Variants in CNTN5 observed in about 807,000 individuals in gnomAD.
CNTN5 encodes the protein contactin 5.
CNTN5 carries 77 observed loss-of-function variants against 129.1 expected under a neutral mutation model. The observed-to-expected ratio is 0.60, with a 90% confidence interval of 0.50 to 0.72. The LOEUF (loss-of-function observed/expected upper bound fraction) is 0.72, where lower values mean the gene tolerates loss of function less well. Ranked by LOEUF, CNTN5 falls within the 30% of genes least tolerant of loss-of-function variation. CNTN5 has a pLI of 0.00. For missense variants in CNTN5, 1,478 were observed against 1,328.8 expected, an observed-to-expected ratio of 1.11 and a Z score of -1.75; for synonymous variants, 509 against 465.6, an observed-to-expected ratio of 1.09 and a Z score of -1.20.
intron 1 of CNTN5, among the ~76,000 whole-genome samples, chr11:99,097,790 G>C (rs1866546251): frequency 6.6e-6 from 1 of 151,812 alleles, no homozygotes; most frequent in Non-Finnish European, 1.5e-5. Context: ...TCCTACATAG[G>C]TAAAACAATT....
At chr11:100,232,591 A>G (rs775478304) in intron 16 of CNTN5, among the ~76,000 whole-genome samples, 3 of 152,228 alleles carry the variant, frequency 2.0e-5, no homozygotes, top group Non-Finnish European at 4.4e-5. Context: ...TCACATACCC[A>G]CAAGCTCTTA....
intron 6 of CNTN5, among the ~76,000 whole-genome samples, chr11:99,851,173 G>A (rs1203277860): frequency 6.6e-6 from 1 of 151,944 alleles, no homozygotes; most frequent in African/African-American, 2.4e-5. Context: ...TATAAACATG[G>A]TTCAGCTTAG....
chr11:99,814,295 T>C (rs1946516255), intron 3 of CNTN5, among the ~76,000 whole-genome samples: 1 of 152,132 alleles, frequency 6.6e-6, no homozygotes, highest in Non-Finnish European at 1.5e-5. Flanking sequence ...AGGGACTGTC[T>C]CTTCTGATTG....
intron 1 of CNTN5, among the ~76,000 whole-genome samples, chr11:99,187,430 A>T (rs1858409822): frequency 1.6e-5 from 2 of 125,094 alleles, no homozygotes; most frequent in Non-Finnish European, 3.5e-5. Flanking sequence ...ACAATTTGTT[A>T]TATTAATACA....
At chr11:100,095,235 AAAACCT>A (rs1437343819) in intron 13 of CNTN5, among the ~76,000 whole-genome samples, 1 of 152,154 alleles carries the variant, frequency 6.6e-6, no homozygotes, top group Admixed American at 6.6e-5. Context: ...GTTTCCAAGA[AAAACCT>A]AGACTATGTT....
At chr11:100,143,264 A>C (rs146066677) in intron 13 of CNTN5, among the ~76,000 whole-genome samples, 1 of 152,270 alleles carries the variant, frequency 6.6e-6, no homozygotes, top group African/African-American at 2.4e-5. Context: ...GACATCTATA[A>C]GGAAACATTA....
chr11:100,243,884 T>G (rs1388270120), intron 16 of CNTN5, among the ~76,000 whole-genome samples: 1 of 152,176 alleles, frequency 6.6e-6, no homozygotes, highest in Non-Finnish European at 1.5e-5. Flanking sequence ...CAGAATGTAT[T>G]TCAATAAAAA....
intron 21 of CNTN5, among the ~76,000 whole-genome samples, chr11:100,326,069 A>T (rs964978214): frequency 1.8e-4 from 28 of 152,208 alleles, no homozygotes; most frequent in African/African-American, 6.8e-4. Context: ...ATAAAATCAA[A>T]ATCAAAGTGA....
intron 13 of CNTN5, among the ~76,000 whole-genome samples, chr11:100,185,199 T>A (rs1187367791): frequency 3.3e-5 from 5 of 152,148 alleles, no homozygotes; most frequent in Non-Finnish European, 5.9e-5. Context: ...ATGGGCTCAA[T>A]CAAGTCATTT....
intron 3 of CNTN5, among the ~76,000 whole-genome samples, chr11:99,633,419 G>C (rs1951436624): frequency 6.6e-6 from 1 of 152,120 alleles, no homozygotes; most frequent in Non-Finnish European, 1.5e-5. Context: ...AAAGAGCAAG[G>C]CTCTACTGAA....
rs1565258956 is a variant in CNTN5 at position 99,523,714 on chromosome 11, TAGAA to T, written c.-70-32430_-70-32427del. ...CAGAACAGAATAGAACAGAATAGAATAGAATAGAATAGAATATGTGTTTGTTTTT... is the reference window on the plus strand; with the variant it reads ...CAGAACAGAATAGAACAGAATAGAATTAGAATAGAATATGTGTTTGTTTTT... On this transcript the variant is annotated intron_variant, in intron 2 of 24. Transcript: ENST00000524871. Among the ~76,000 whole-genome samples, 483 of 96,700 alleles carry T rather than the reference TAGAA, an allele frequency of 5.0e-3. 15 individuals are homozygous for T. Among genetic ancestry groups the T allele is most frequent in the Admixed American group, 0.038 (363 of 9,548 alleles). 63.4% of individuals were successfully genotyped at this position (96,700 alleles called of 152,430 possible).
At chr11:100,293,649 C>A (rs1951043127) in intron 18 of CNTN5, among the ~76,000 whole-genome samples, 1 of 151,614 alleles carries the variant, frequency 6.6e-6, no homozygotes, top group Non-Finnish European at 1.5e-5. Context: ...CTCCATGAGA[C>A]AATGGAAATA....
intron 1 of CNTN5, among the ~76,000 whole-genome samples, chr11:99,151,979 C>G (rs748257724): frequency 6.6e-6 from 1 of 152,014 alleles, no homozygotes; most frequent in Non-Finnish European, 1.5e-5. Flanking sequence ...TGTAACAAAC[C>G]TGCATGTTCT....
At chr11:99,545,765 C>G (rs1023388303) in intron 2 of CNTN5, among the ~76,000 whole-genome samples, 1 of 152,094 alleles carries the variant, frequency 6.6e-6, no homozygotes, top group African/African-American at 2.4e-5. Flanking sequence ...CATGCAGAAC[C>G]CTGAACAGGT....
chr11:99,976,302 G>A (rs965837089), intron 8 of CNTN5, among the ~76,000 whole-genome samples: 5 of 152,314 alleles, frequency 3.3e-5, no homozygotes, highest in South Asian at 2.1e-4. Context: ...AGCACATGGT[G>A]CAAACTGTTG....
Position 99,956,965 on chromosome 11 carries a change from C to T in CNTN5, c.833C>T (p.Ala278Val). ...CTGGTGAAAAACACAGTGACGAATG[C>T]TAGAGTCCTTAGTCCTCCAACGCCA... Reference protein sequence around the residue: ...ICLVKNTVTNARVLSPPTPLT... With the variant: ...ICLVKNTVTNVRVLSPPTPLT... The change falls in exon 8 of 25, where the codon GCT becomes GTT. Residue 278 changes from alanine to valine, a missense_variant. Transcript: ENST00000524871. 1 of 1,613,862 alleles carries T rather than the reference C, an allele frequency of 6.2e-7. No individual in the cohort carries two copies. Among genetic ancestry groups the T allele is most frequent in the South Asian group, 1.1e-5 (1 of 91,074 alleles).
intron 1 of CNTN5, chr11:99,049,887 AT>A (rs1479659755): frequency 1.3e-5 from 2 of 152,158 alleles, no homozygotes; most frequent in African/African-American, 4.8e-5. Context: ...CATGACTCTG[AT>A]CATCTCTATT....
rs1307584260 is a variant in CNTN5, at chr11:99,393,367, A to G, written c.-71+67883A>G. 2.0e-5 allele frequency among the ~76,000 whole-genome samples: 3 copies of G among 151,848 alleles called. No homozygotes were observed. The East Asian group carries it at 5.8e-4, about 29-fold the overall frequency. ...TGGTAAATTAAAGAGTGTTCATTTG[A>G]TCCAGAGGTAGTTTGCAAAGGCAAC... On this transcript the variant is annotated intron_variant, in intron 2 of 24. Transcript: ENST00000524871.
chr11:99,693,160 C>T (rs1954111622), intron 3 of CNTN5, among the ~76,000 whole-genome samples: 1 of 151,990 alleles, frequency 6.6e-6, no homozygotes, highest in Non-Finnish European at 1.5e-5. Context: ...ATGTAGTCTT[C>T]AAAGAAAAAC....
Sources: gnomAD v4.1 joint callset for allele counts (sites outside exome capture counted in the v4.1 genomes callset) on GRCh38, gnomAD v4.1.1 for gene constraint, MANE v1.5 for transcripts, NCBI Gene and HGNC (gene_info 2026-07-23, HGNC 2026-07-21) for gene names.